Variants in PLXNA2 observed in about 807,000 individuals in gnomAD.
PLXNA2 encodes the protein plexin A2.
In PLXNA2, 91 loss-of-function variants were observed where a neutral mutation model predicts 193.5. The ratio of observed to expected loss-of-function variants is 0.47; its 90% confidence interval spans 0.40 to 0.56. The LOEUF is 0.56. Among genes scored for constraint, PLXNA2 ranks in the 20% least tolerant of loss-of-function variants. The probability of loss-of-function intolerance (pLI) is 0.00; values close to 1 mark genes in which losing one functional copy is unlikely to be tolerated. For missense variants in PLXNA2, 1,995 were observed against 2,503.2 expected (o/e 0.80, Z 4.33); for synonymous variants, 997 against 1,027.3 (o/e 0.97, Z 0.56).
chr1:208,206,618 A>T (rs1378070326), intron 3 of PLXNA2, among the ~76,000 whole-genome samples: 2 of 152,138 alleles, frequency 1.3e-5, no homozygotes, highest in African/African-American at 4.8e-5. Flanking sequence ...AGACCCTGGT[A>T]ATCTTCCTTT....
At chr1:208,085,561 T>C (rs1035123692) in intron 9 of PLXNA2, among the ~76,000 whole-genome samples, 5 of 152,252 alleles carry the variant, frequency 3.3e-5, no homozygotes, top group African/African-American at 9.6e-5. Flanking sequence ...GTGTAGGACA[T>C]GTTCAATGAC....
At chr1:208,129,923 C>T (rs1668096040) in intron 4 of PLXNA2, among the ~76,000 whole-genome samples, 1 of 152,202 alleles carries the variant, frequency 6.6e-6, no homozygotes, top group African/African-American at 2.4e-5. Context: ...TCCTGTCTTC[C>T]TTCTACCTGG....
intron 4 of PLXNA2, among the ~76,000 whole-genome samples, chr1:208,118,336 A>G (rs996479072): frequency 1.3e-5 from 2 of 152,230 alleles, no homozygotes; most frequent in Non-Finnish European, 2.9e-5. Flanking sequence ...CTCTTTTGCA[A>G]CGAAAGTGGC....
At chr1:208,192,883 G>A (rs1335062663) in intron 3 of PLXNA2, among the ~76,000 whole-genome samples, 2 of 132,300 alleles carry the variant, frequency 1.5e-5, no homozygotes, top group South Asian at 2.5e-4. Context: ...GCAAAGCTCC[G>A]TCTCAAAAGA....
At chr1:208,193,725 A>C (rs943652571) in intron 3 of PLXNA2, among the ~76,000 whole-genome samples, 11 of 152,118 alleles carry the variant, frequency 7.2e-5, no homozygotes, top group Non-Finnish European at 1.3e-4. Flanking sequence ...ATTCATGCCC[A>C]AAATATAAAA....
At chr1:208,146,046 G>A (rs1668592042) in intron 3 of PLXNA2, among the ~76,000 whole-genome samples, 1 of 152,172 alleles carries the variant, frequency 6.6e-6, no homozygotes, top group Admixed American at 6.5e-5. Context: ...ATGGAGAGTA[G>A]GGGCCAGGAG....
intron 11 of PLXNA2, among the ~76,000 whole-genome samples, chr1:208,081,852 G>C (rs1397521437): frequency 6.6e-6 from 1 of 152,104 alleles, no homozygotes; most frequent in African/African-American, 2.4e-5. Context: ...CACATGGGAG[G>C]AGCTCGACAT....
Position 208,079,364 on chromosome 1 carries a change from C to T in PLXNA2, c.2482G>A (p.Gly828Ser), listed in dbSNP as rs775525988. The T allele has an allele frequency of 2.3e-5, 37 of 1,612,644 alleles. No homozygotes were observed. Among genetic ancestry groups the T allele is most frequent in the Admixed American group, 2.0e-4 (12 of 59,940 alleles). Reference sequence around the variant, plus strand: ...TGGTGGAGGGTGCACCTGCGCTCGCCGCTGCACCAGCCACACTCAAACTTC... The same window carrying T: ...TGGTGGAGGGTGCACCTGCGCTCGCTGCTGCACCAGCCACACTCAAACTTC... ...DRKFECGWCS[G>S]ERRCTLHQHC... is the part of the protein sequence containing the mutation. Residue 828 changes from glycine to serine, a missense_variant, in exon 12 of 32, where the codon GGC (glycine) becomes AGC (serine). By Grantham distance (56) the Gly-to-Ser change is moderately conservative. Coordinates refer to ENST00000367033, the MANE Select transcript of PLXNA2 (RefSeq NM_025179.4).
chr1:208,052,277 C>A, intron 15 of PLXNA2, 50 bp downstream of exon 15: 1 of 1,590,828 alleles, frequency 6.3e-7, no homozygotes. Context: ...ATGTGAACAG[C>A]ACATGTCCCA....
At position 208,052,458 on chromosome 1, in the gene PLXNA2, AG is replaced by A; in HGVS notation, c.2861del (p.Pro954LeufsTer19). 1.2e-6 allele frequency: 2 copies of A among 1,614,118 alleles called. No individual in the cohort carries two copies. Among genetic ancestry groups the A allele is most frequent in the Non-Finnish European group, 1.7e-6 (2 of 1,180,000 alleles). Reference sequence around the variant, plus strand: ...GGATTGGGTTGAGTGACAGCACAGAAGGGTTCTTTGGAAAGAAGCAGAGAAA... The same window carrying A: ...GGATTGGGTTGAGTGACAGCACAGAAGGTTCTTTGGAAAGAAGCAGAGAAA... ...KSHQQYTFVN[P>X]SVLSLNPIRG... On this transcript the variant is annotated frameshift_variant, in exon 15 of 32. Coordinates refer to ENST00000367033, the MANE Select transcript of PLXNA2 (RefSeq NM_025179.4). LOFTEE classifies it high-confidence loss of function.
chr1:208,045,131 A>G lies in PLXNA2; in HGVS notation c.3575T>C (p.Val1192Ala), dbSNP rs1220895478. The G allele has an allele frequency of 6.2e-7, 1 of 1,614,170 alleles. No homozygotes were observed. Among genetic ancestry groups the G allele is most frequent in the African/African-American group, 1.3e-5 (1 of 75,038 alleles). The change falls in exon 19 of 32, where the codon GTC (valine) becomes GCC (alanine). Residue 1192 changes from valine to alanine, a missense_variant. Val to Ala is a moderately conservative substitution (Grantham distance 64, BLOSUM62 0). This residue lies in a region of PLXNA2 where 1,291 missense variants were observed against 1,673.6 expected (regional missense o/e 0.77). Coordinates refer to ENST00000367033, the MANE Select transcript of PLXNA2 (RefSeq NM_025179.4). ...GAGAAGCTGGGTCTCAGATACGGTG[A>G]CAGCACAAGGGGTCTCTCCGATGAG... ...TVLIGETPCA[V>A]TVSETQLLCE...
chr1:208,191,175 C>A (rs1670165474), intron 3 of PLXNA2, among the ~76,000 whole-genome samples: 1 of 152,182 alleles, frequency 6.6e-6, no homozygotes, highest in African/African-American at 2.4e-5. Context: ...TTGCCCATGG[C>A]CAGCAACAAA....
At chr1:208,174,228 T>C (rs187218719) in intron 3 of PLXNA2, among the ~76,000 whole-genome samples, 1 of 151,812 alleles carries the variant, frequency 6.6e-6, no homozygotes, top group African/African-American at 2.4e-5. Flanking sequence ...GGGCTTTGAG[T>C]ATGGAAAAGA....
At chr1:208,228,603 C>T (rs1462387586) in intron 1 of PLXNA2, among the ~76,000 whole-genome samples, 3 of 152,150 alleles carry the variant, frequency 2.0e-5, no homozygotes, top group Non-Finnish European at 4.4e-5. Flanking sequence ...TATGGAAACA[C>T]CTTCTGTGTT....
chr1:208,082,393 C>T lies in PLXNA2; in HGVS notation c.2395+19G>A. The T allele has an allele frequency of 1.2e-6, 2 of 1,604,514 alleles. No homozygotes were observed. Among genetic ancestry groups the T allele is most frequent in the Non-Finnish European group, 1.7e-6 (2 of 1,171,876 alleles). On this transcript the variant is annotated intron_variant, in intron 11 of 31. Transcript: ENST00000367033. This position sits in a 1 kb window ranked among gnomAD's most constrained non-coding sequence, Gnocchi z 4.2. ...GGGTCGTGAAAAGATCAAACTTCTA[C>T]CCGGAAGTAGCCGCTTACCTTTCAG...
chr1:208,032,770 C>A (rs1321801638), intron 28 of PLXNA2, among the ~76,000 whole-genome samples: 1 of 152,156 alleles, frequency 6.6e-6, no homozygotes, highest in Admixed American at 6.5e-5. Context: ...GGCCAGGCCT[C>A]TGTGCTTTCC....
Position 208,082,550 on chromosome 1 carries a change from C to T in PLXNA2, c.2299-42G>A. On this transcript the variant is annotated intron_variant, in intron 10 of 31. Transcript: ENST00000367033. This position sits in a 1 kb window ranked among gnomAD's most constrained non-coding sequence, Gnocchi z 4.2. ...AGAGGCATGGGGCTCATGTGGCTCT[C>T]TATCACAGGGGTCAGGGATGCAGAC... 1.4e-6 allele frequency: 2 copies of T among 1,419,658 alleles called. No individual in the cohort carries two copies. The highest frequency in any genetic ancestry group is 2.0e-6 in the Non-Finnish European group (2 of 1,005,976). The allele number at this position is 1,419,658 out of a possible 1,614,324, so 87.9% of individuals were successfully genotyped here. A position where few individuals can be genotyped will look rare whatever the true frequency, so the allele number is the denominator to read the frequency against.
chr1:208,226,882 G>A (rs541854524), intron 1 of PLXNA2, among the ~76,000 whole-genome samples: 154 of 152,288 alleles, frequency 1.0e-3, no homozygotes, highest in South Asian at 1.5e-3. Flanking sequence ...CCACCTCCCC[G>A]CTGGGTCAGA....
At chr1:208,115,071 G>C (rs187696449) in intron 4 of PLXNA2, among the ~76,000 whole-genome samples, 2 of 152,266 alleles carry the variant, frequency 1.3e-5, no homozygotes, top group African/African-American at 4.8e-5. Flanking sequence ...GGCTTTGCTG[G>C]ATCCAGTGCC....
Sources: gnomAD v4.1 joint callset for allele counts (sites outside exome capture counted in the v4.1 genomes callset) on GRCh38, gnomAD v4.1.1 for gene constraint, gnomAD v4.1.1 regional missense constraint, Gnocchi (gnomAD v3.1) non-coding constraint, MANE v1.5 for transcripts, NCBI Gene and HGNC (gene_info 2026-07-23, HGNC 2026-07-21) for gene names.